NBEAL1: variants seen among roughly 807,000 people sequenced by gnomAD.
NBEAL1 encodes the protein neurobeachin-like protein 1.
NBEAL1 carries 273 observed loss-of-function variants against 351.3 expected under a neutral mutation model. The ratio of observed to expected loss-of-function variants is 0.78; its 90% CI spans 0.70 to 0.86. NBEAL1 has a LOEUF of 0.86. Among genes scored for constraint, NBEAL1 ranks in the 40% least tolerant of loss-of-function variants. The probability of loss-of-function intolerance (pLI) is 0.00; values close to 1 mark genes in which losing one functional copy is unlikely to be tolerated. For synonymous variants in NBEAL1, 1,050 were observed against 1,086.4 expected (o/e 0.97, Z 0.66); for missense variants, 2,961 against 3,201.3 (o/e 0.92, Z 1.81).
intron 55 of NBEAL1, among the ~76,000 whole-genome samples, chr2:203,214,886 A>G (rs1312206544): frequency 6.6e-6 from 1 of 152,222 alleles, no homozygotes; most frequent in African/African-American, 2.4e-5. Flanking sequence ...TTTTTTAATC[A>G]TGTACCAGTT....
At chr2:203,136,350 AT>A in intron 28 of NBEAL1, 98 bp downstream of exon 28, 1 of 943,772 alleles carries the variant, frequency 1.1e-6, no homozygotes, top group East Asian at 2.6e-5. Flanking sequence ...ACAATTTCAT[AT>A]TGTATTCATG....
intron 55 of NBEAL1, among the ~76,000 whole-genome samples, chr2:203,214,139 C>A (rs1210235638): frequency 2.6e-5 from 4 of 152,164 alleles, no homozygotes; most frequent in Non-Finnish European, 5.9e-5. Flanking sequence ...AATGATTTAT[C>A]AATTATTGAA....
At chr2:203,048,763 T>C (rs1343445778) in intron 3 of NBEAL1, among the ~76,000 whole-genome samples, 2 of 152,186 alleles carry the variant, frequency 1.3e-5, no homozygotes, top group Non-Finnish European at 2.9e-5. Flanking sequence ...TCATGTCTGA[T>C]GTTGGCATTT....
intron 31 of NBEAL1, among the ~76,000 whole-genome samples, chr2:203,139,811 C>T (rs1348988836): frequency 6.6e-6 from 1 of 151,706 alleles, no homozygotes; most frequent in African/African-American, 2.4e-5. Flanking sequence ...ATGTGATCTG[C>T]CCACCTCAGC....
intron 14 of NBEAL1, among the ~76,000 whole-genome samples, chr2:203,109,384 T>C (rs548764829): frequency 3.3e-5 from 5 of 152,020 alleles, no homozygotes; most frequent in Non-Finnish European, 1.5e-5. Context: ...AAATGAGTAG[T>C]GATATGAGTA....
chr2:203,144,905 T>C lies in NBEAL1; in HGVS notation c.5154T>C (p.Tyr1718=), dbSNP rs992917017. 5.7e-6 allele frequency: 9 copies of C among 1,574,534 alleles called. No homozygotes were observed. The highest frequency in any genetic ancestry group is 6.0e-6 in the Non-Finnish European group (7 of 1,163,444). The part of the protein sequence containing the change: ...SNEWQVYIEK[Y]IVPYMKQYEA... Reference sequence around the variant, plus strand: ...AATGGCAAGTTTACATTGAAAAATATGTAAGTTTTATCTTTTTTGATCAAG... The same window carrying C: ...AATGGCAAGTTTACATTGAAAAATACGTAAGTTTTATCTTTTTTGATCAAG... The change falls in exon 32 of 56, where the codon TAT becomes TAC. Residue 1718 remains tyrosine, a splice_region_variant and synonymous_variant. Transcript: ENST00000683969.
chr2:203,180,598 C>G (rs1201707865), intron 43 of NBEAL1, 86 bp downstream of exon 43: 16 of 1,205,450 alleles, frequency 1.3e-5, no homozygotes, highest in Non-Finnish European at 1.8e-5. Flanking sequence ...TTGTAATATC[C>G]TGTAGATTAT....
intron 42 of NBEAL1, among the ~76,000 whole-genome samples, chr2:203,176,879 G>T (rs2106427895): frequency 6.6e-6 from 1 of 151,856 alleles, no homozygotes; most frequent in Middle Eastern, 3.4e-3. Flanking sequence ...GGCCAAACAT[G>T]TTGGCTTATG....
chr2:203,208,943 A>G (rs2065691063), intron 52 of NBEAL1, among the ~76,000 whole-genome samples, 190 bp downstream of exon 52: 1 of 152,176 alleles, frequency 6.6e-6, no homozygotes, highest in Admixed American at 6.5e-5. Context: ...TTGGGATTTT[A>G]TTCGTTTTAT....
chr2:203,084,876 T>C (rs1343816268), intron 10 of NBEAL1: 1 of 192,336 alleles, frequency 5.2e-6, no homozygotes, highest in African/African-American at 2.3e-5. Flanking sequence ...TCTGAGCTCT[T>C]CTAACTATTT....
In NBEAL1 at chr2:203,217,239, A is replaced by T; in HGVS notation, c.8071-14A>T. 1 of 1,474,792 alleles carries T rather than the reference A, an allele frequency of 6.8e-7. No homozygotes were observed. 91.4% of individuals were successfully genotyped at this position (1,474,792 alleles called of 1,614,324 possible). Reference sequence around the variant, plus strand: ...TAATATTTATTCTTCATTTCTTTGGATTACTTTACACAGATGCGTTCAGGT... The same window carrying T: ...TAATATTTATTCTTCATTTCTTTGGTTTACTTTACACAGATGCGTTCAGGT... On this transcript the variant is annotated splice_polypyrimidine_tract_variant and intron_variant, in intron 55 of 55. Coordinates refer to ENST00000683969, the MANE Select transcript of NBEAL1 (RefSeq NM_001378026.1).
At chr2:203,084,139 A>G (rs578034365) in intron 9 of NBEAL1, among the ~76,000 whole-genome samples, 41 of 152,168 alleles carry the variant, frequency 2.7e-4, no homozygotes, top group African/African-American at 9.4e-4. Context: ...GTTCCCATGT[A>G]AGGTTGTTAA....
At chr2:203,134,963 G>A (rs1262708099) in intron 27 of NBEAL1, among the ~76,000 whole-genome samples, 1 of 152,238 alleles carries the variant, frequency 6.6e-6, no homozygotes, top group African/African-American at 2.4e-5. Flanking sequence ...ATCACAGGAG[G>A]TCAGGAGTTC....
intron 36 of NBEAL1, 116 bp from the exon 37 acceptor site, chr2:203,166,033 A>C: frequency 1.0e-6 from 1 of 960,382 alleles, no homozygotes; most frequent in Non-Finnish European, 1.5e-6. Context: ...GGTGACAGCA[A>C]GACCTTGTCT....
Position 203,220,908 on chromosome 2 carries a change from G to T in NBEAL1, c.*3554G>T, listed in dbSNP as rs530675675. Among the ~76,000 whole-genome samples, 1 of 152,232 alleles carries T rather than the reference G, an allele frequency of 6.6e-6. No individual in the cohort carries two copies. The highest frequency in any genetic ancestry group is 1.9e-4 in the East Asian group (1 of 5,180). On this transcript the variant is annotated 3_prime_UTR_variant, in exon 56 of 56. Coordinates refer to ENST00000683969, the MANE Select transcript of NBEAL1 (RefSeq NM_001378026.1). ...AACTTTGTTTAGGTCACAGTGCAGT[G>T]CATCCTTTTGTAGAAGAAAAAATAC...
At chr2:203,197,607 G>A (rs959368832) in intron 48 of NBEAL1, among the ~76,000 whole-genome samples, 3 of 152,016 alleles carry the variant, frequency 2.0e-5, no homozygotes, top group Non-Finnish European at 2.9e-5. Flanking sequence ...AATAAAATCT[G>A]AAAAGATATA....
chr2:203,130,204 G>A (rs1029010081), intron 24 of NBEAL1, 114 bp from the exon 25 acceptor site: 71 of 1,021,830 alleles, frequency 6.9e-5, no homozygotes, highest in Non-Finnish European at 9.2e-5. Context: ...ATATAGTGAA[G>A]TTAAGATAAA....
chr2:203,136,309 C>A, intron 28 of NBEAL1, 57 bp downstream of exon 28: 2 of 1,194,606 alleles, frequency 1.7e-6, no homozygotes, highest in Admixed American at 2.4e-5. Context: ...ATATATACTT[C>A]TAATCCTTAG....
chr2:203,158,815 G>GTTT (rs71034220), intron 36 of NBEAL1, among the ~76,000 whole-genome samples: 1,493 of 84,044 alleles, frequency 0.018, 14 homozygotes, highest in East Asian at 0.022. Context: ...TTTCTGTAGG[G>GTTT]TTTTTTTTTT....
Sources: allele counts gnomAD v4.1 joint callset (sites outside exome capture counted in the v4.1 genomes callset), GRCh38; gene constraint gnomAD v4.1.1; transcripts MANE v1.5; gene names NCBI Gene and HGNC (gene_info 2026-07-23, HGNC 2026-07-21).